Variants in ADAM30 observed in about 807,000 individuals in gnomAD.
The protein encoded by ADAM30 is ADAM metallopeptidase domain 30, also known as disintegrin and metalloproteinase domain-containing protein 30.
For missense variants in ADAM30, 960 were observed against 959.4 expected (o/e 1.00, Z -0.01); for synonymous variants, 382 against 340.9 (o/e 1.12, Z -1.33).
chr1:119,893,757 G>A lies in ADAM30; in HGVS notation c.*207C>T, dbSNP rs1200149946. 1.0e-6 allele frequency: 1 copy of A among 976,398 alleles called. No individual in the cohort carries two copies. Among genetic ancestry groups the A allele is most frequent in the Non-Finnish European group, 1.4e-6 (1 of 692,214 alleles). 60.5% of individuals were successfully genotyped at this position (976,398 alleles called of 1,614,324 possible). Reference sequence around the variant, plus strand: ...ATGATTCTCAGAATACCCACAACTTGGTCACAAACTGAGGGGCAAGTGAAC... The same window carrying A: ...ATGATTCTCAGAATACCCACAACTTAGTCACAAACTGAGGGGCAAGTGAAC... On this transcript the variant is annotated 3_prime_UTR_variant, in exon 1 of 1. Coordinates refer to ENST00000369400, the MANE Select transcript of ADAM30 (RefSeq NM_021794.4).
Position 119,896,494 on chromosome 1 carries a change from C to T in ADAM30, c.-158G>A, listed in dbSNP as rs903305288. 9.7e-6 allele frequency: 12 copies of T among 1,236,340 alleles called. No individual in the cohort carries two copies. In the African/African-American group the frequency reaches 1.8e-4, roughly 19 times the overall value. The allele number at this position is 1,236,340 out of a possible 1,614,324, so 76.6% of individuals were successfully genotyped here. ...AGCCCGTAGCCTCCCAGGGCTCGGT[C>T]TAGCTGGCGTCCGCAATGCGCGCGT... On this transcript the variant is annotated 5_prime_UTR_variant, in exon 1 of 1. Coordinates refer to ENST00000369400, the MANE Select transcript of ADAM30 (RefSeq NM_021794.4).
chr1:119,895,416 C>A lies in ADAM30; in HGVS notation c.921G>T (p.Trp307Cys), dbSNP rs753975087. Residue 307 changes from tryptophan to cysteine, a missense_variant, in exon 1 of 1, where the codon TGG (tryptophan) becomes TGT (cysteine). Transcript: ENST00000369400. Reference sequence around the variant, plus strand: ...CTAGAGAACACACTTTTCCAAACGACCATGCAAGAGCATCATTATATTTTC... The same window carrying A: ...CTAGAGAACACACTTTTCCAAACGAACATGCAAGAGCATCATTATATTTTC... The part of the protein sequence containing the change: ...LQRKYNDALA[W>C]SFGKVCSLEY... 6 of 1,613,770 alleles carry A rather than the reference C, an allele frequency of 3.7e-6. No homozygotes were observed. The highest frequency in any genetic ancestry group is 2.5e-6 in the Non-Finnish European group (3 of 1,179,960).
rs1648486288 is a variant in ADAM30 at position 119,893,681 on chromosome 1, T to C, written c.*283A>G. 4.2e-6 allele frequency: 2 copies of C among 478,070 alleles called. No individual in the cohort carries two copies. Among genetic ancestry groups the C allele is most frequent in the Non-Finnish European group, 3.5e-6 (1 of 282,488 alleles). 29.6% of individuals were successfully genotyped at this position (478,070 alleles called of 1,614,324 possible). ...TATACCTTGAATAGCATGGTAATTC[T>C]AGGAAACTCACTACTTTCAGAGCTT... On this transcript the variant is annotated 3_prime_UTR_variant, in exon 1 of 1. Coordinates refer to ENST00000369400, the MANE Select transcript of ADAM30 (RefSeq NM_021794.4).
rs996054603 is a variant in ADAM30 at position 119,896,411 on chromosome 1, G to T, written c.-75C>A. 1.7e-5 allele frequency: 24 copies of T among 1,446,848 alleles called. No homozygotes were observed. The highest frequency in any genetic ancestry group is 2.6e-4 in the Middle Eastern group (1 of 3,904). The allele number at this position is 1,446,848 out of a possible 1,614,324, so 89.6% of individuals were successfully genotyped here. On this transcript the variant is annotated 5_prime_UTR_variant, in exon 1 of 1. Transcript: ENST00000369400. ...GGCCTCGCGAGTCAGATTTCTGGGGGCCGCCGCTAGAGGCGCCTGAGCTCA... is the reference window on the plus strand; with the variant it reads ...GGCCTCGCGAGTCAGATTTCTGGGGTCCGCCGCTAGAGGCGCCTGAGCTCA...
chr1:119,896,131 T>C lies in ADAM30; in HGVS notation c.206A>G (p.Lys69Arg), dbSNP rs1158456223. 1.2e-6 allele frequency: 2 copies of C among 1,613,946 alleles called. No individual in the cohort carries two copies. Among genetic ancestry groups the C allele is most frequent in the Non-Finnish European group, 1.7e-6 (2 of 1,179,988 alleles). The part of the protein sequence containing the change: ...VSPVSYLLQL[K>R]GKKHVLHLWP... Reference sequence around the variant, plus strand: ...CAAATGGAGGACGTGCTTCTTGCCTTTTAACTGCAGTAGGTAGGACACGGG... The same window carrying C: ...CAAATGGAGGACGTGCTTCTTGCCTCTTAACTGCAGTAGGTAGGACACGGG... Residue 69 changes from lysine (K) to arginine (R), a missense_variant, in exon 1 of 1, where the codon AAA becomes AGA. Lys to Arg is a conservative substitution (Grantham distance 26). Coordinates refer to ENST00000369400, the MANE Select transcript of ADAM30 (RefSeq NM_021794.4).
rs1266545644 is a variant in ADAM30 at position 119,895,535 on chromosome 1, C to T, written c.802G>A (p.Glu268Lys). 1 of 1,613,856 alleles carries T rather than the reference C, an allele frequency of 6.2e-7. No homozygotes were observed. The highest frequency in any genetic ancestry group is 8.5e-7 in the Non-Finnish European group (1 of 1,180,040). ...DFNKIRVGYP[E>K]LAEVLGRFVI... ...AATCTGCCTAAAACTTCAGCTAACT[C>T]TGGATATCCAACGCGTATTTTGTTA... The change falls in exon 1 of 1, where the codon GAG becomes AAG. Residue 268 changes from glutamate (E) to lysine (K), a missense_variant. Coordinates refer to ENST00000369400, the MANE Select transcript of ADAM30 (RefSeq NM_021794.4).
At position 119,896,175 on chromosome 1, in the gene ADAM30, C is replaced by T. The variant is rs1401470127; in HGVS notation, c.162G>A (p.Glu54=). The change falls in exon 1 of 1, where the codon GAG becomes GAA. Residue 54 remains glutamate, a synonymous_variant. Transcript: ENST00000369400. Reference sequence around the variant, plus strand: ...ACACGGGACTGACCACACCCTGCACCTCTCCCCGGAAGCTCAGCTTCTCAG... The same window carrying T: ...ACACGGGACTGACCACACCCTGCACTTCTCCCCGGAAGCTCAGCTTCTCAG... ...TIPEKLSFRG[E]VQGVVSPVSY... 1 of 1,614,170 alleles carries T rather than the reference C, an allele frequency of 6.2e-7. No homozygotes were observed.
In ADAM30 at chr1:119,896,036, C is replaced by T. The variant is rs1243918038; in HGVS notation, c.301G>A (p.Glu101Lys). The T allele has an allele frequency of 1.9e-6, 3 of 1,613,992 alleles. No homozygotes were observed. The highest frequency in any genetic ancestry group is 2.5e-6 in the Non-Finnish European group (3 of 1,180,038). Residue 101 changes from glutamate (E) to lysine (K), a missense_variant, in exon 1 of 1, where the codon GAG becomes AAG. Coordinates refer to ENST00000369400, the MANE Select transcript of ADAM30 (RefSeq NM_021794.4). ...FSFTEHGELL[E>K]DHPYIPKDCN... ...TCCTTTGGTATGTAAGGATGATCCT[C>T]CAGCAGTTCCCCATGTTCTGTGAAG...
rs775878095 is a variant in ADAM30 at position 119,895,926 on chromosome 1, A to G, written c.411T>C (p.Phe137=). The G allele has an allele frequency of 1.2e-6, 2 of 1,614,160 alleles. No homozygotes were observed. The highest frequency in any genetic ancestry group is 1.7e-6 in the Non-Finnish European group (2 of 1,180,038). Residue 137 remains phenylalanine, a synonymous_variant, in exon 1 of 1, where the codon TTT becomes TTC. Transcript: ENST00000369400. Reference sequence around the variant, plus strand: ...TTTGGTAATGTTTGGCATCAATGTTAAATACACCTCGGAGACCCCCCATGC... The same window carrying G: ...TTTGGTAATGTTTGGCATCAATGTTGAATACACCTCGGAGACCCCCCATGC... ...STCMGGLRGV[F]NIDAKHYQIE...
rs1244680035 is a variant in ADAM30 at position 119,895,360 on chromosome 1, T to G, written c.977A>C (p.Asp326Ala). ...EYAGSVSTLL[D>A]TNILAPATWS... ...GGTAGCAGGGGCAAGGATATTTGTATCTAGTAAAGTACTCACTGATCCAGC... is the reference window on the plus strand; with the variant it reads ...GGTAGCAGGGGCAAGGATATTTGTAGCTAGTAAAGTACTCACTGATCCAGC... The change falls in exon 1 of 1, where the codon GAT (aspartate) becomes GCT (alanine). Residue 326 changes from aspartate to alanine, a missense_variant. Asp to Ala is a moderately radical substitution (Grantham distance 126). Coordinates refer to ENST00000369400, the MANE Select transcript of ADAM30 (RefSeq NM_021794.4). 6.2e-7 allele frequency: 1 copy of G among 1,614,022 alleles called. No homozygotes were observed. The highest frequency in any genetic ancestry group is 1.3e-5 in the African/African-American group (1 of 74,898).
At position 119,894,212 on chromosome 1, in the gene ADAM30, G is replaced by A. The variant is rs529944099; in HGVS notation, c.2125C>T (p.Arg709Trp). 28 of 1,613,462 alleles carry A rather than the reference G, an allele frequency of 1.7e-5. No homozygotes were observed. The highest frequency in any genetic ancestry group is 1.7e-4 in the Middle Eastern group (1 of 6,060). Reference protein sequence around the residue: ...LILSVVFVFFRQVIGNHLKPK... With the variant: ...LILSVVFVFFWQVIGNHLKPK... ...TTTAAGTGGTTTCCTATCACTTGCC[G>A]GAAAAACACAAAAACCACTGAAAGG... The change falls in exon 1 of 1, where the codon CGG becomes TGG. Residue 709 changes from arginine to tryptophan, a missense_variant. Coordinates refer to ENST00000369400, the MANE Select transcript of ADAM30 (RefSeq NM_021794.4).
In ADAM30 at chr1:119,894,747, A is replaced by G. The variant is rs1432315583; in HGVS notation, c.1590T>C (p.Gly530=). 6.2e-7 allele frequency: 1 copy of G among 1,614,142 alleles called. No individual in the cohort carries two copies. The highest frequency in any genetic ancestry group is 8.5e-7 in the Non-Finnish European group (1 of 1,180,022). ...TAATCTCACAGTTACCAAATTGATC[A>G]CCTATTAAGTTAACTGCATCATAGC... ...SECYDAVNLI[G]DQFGNCEITG... The change falls in exon 1 of 1, where the codon GGT becomes GGC. Residue 530 remains glycine (G), a synonymous_variant. Coordinates refer to ENST00000369400, the MANE Select transcript of ADAM30 (RefSeq NM_021794.4).
At position 119,896,200 on chromosome 1, in the gene ADAM30, G is replaced by A. The variant is rs908014369; in HGVS notation, c.137C>T (p.Pro46Leu). Residue 46 changes from proline (P) to leucine (L), a missense_variant, in exon 1 of 1, where the codon CCT (proline) becomes CTT (leucine). Physicochemically the swap from Pro to Leu is moderately conservative, Grantham distance 98. Transcript: ENST00000369400. ...GEFDSYEVTIPEKLSFRGEVQ... is the reference protein window; with the variant it reads ...GEFDSYEVTILEKLSFRGEVQ... Reference sequence around the variant, plus strand: ...CTCTCCCCGGAAGCTCAGCTTCTCAGGAATGGTGACTTCATACGAGTCAAA... The same window carrying A: ...CTCTCCCCGGAAGCTCAGCTTCTCAAGAATGGTGACTTCATACGAGTCAAA... The A allele has an allele frequency of 5.6e-6, 9 of 1,614,058 alleles. No individual in the cohort carries two copies. The Admixed American group carries it at 8.3e-5, about 15-fold the overall frequency.
chr1:119,894,912 A>G lies in ADAM30; in HGVS notation c.1425T>C (p.Ser475=), dbSNP rs1557794745. 2 of 1,614,214 alleles carry G rather than the reference A, an allele frequency of 1.2e-6. No homozygotes were observed. Among genetic ancestry groups the G allele is most frequent in the Non-Finnish European group, 1.7e-6 (2 of 1,180,046 alleles). The change falls in exon 1 of 1, where the codon AGT becomes AGC. Residue 475 remains serine (S), a synonymous_variant. Coordinates refer to ENST00000369400, the MANE Select transcript of ADAM30 (RefSeq NM_021794.4). ...DLAEYCDGNS[S]SCPNDVYKQD... is the part of the protein sequence containing the mutation. Reference sequence around the variant, plus strand: ...GCTTATAAACGTCATTTGGGCAGGAACTTGAATTCCCGTCGCAGTACTCTG... The same window carrying G: ...GCTTATAAACGTCATTTGGGCAGGAGCTTGAATTCCCGTCGCAGTACTCTG...
chr1:119,895,654 T>C lies in ADAM30; in HGVS notation c.683A>G (p.His228Arg), dbSNP rs781721317. The C allele has an allele frequency of 9.3e-6, 15 of 1,614,040 alleles. No homozygotes were observed. In the Admixed American group the frequency reaches 1.3e-4, roughly 14 times the overall value. The change falls in exon 1 of 1, where the codon CAT (histidine) becomes CGT (arginine). Residue 228 changes from histidine to arginine, a missense_variant. By Grantham distance (29) the His-to-Arg change is conservative. Coordinates refer to ENST00000369400, the MANE Select transcript of ADAM30 (RefSeq NM_021794.4). ...AATCCCAGTCAAAAGAATGGCATCA[T>C]GTATGACTTGAGAAAGATTGTTGTT... ...FVNNNLSQVI[H>R]DAILLTGIMD...
Position 119,895,653 on chromosome 1 carries a change from A to G in ADAM30, c.684T>C (p.His228=), listed in dbSNP as rs367912978. 8.7e-6 allele frequency: 14 copies of G among 1,614,148 alleles called. No individual in the cohort carries two copies. The highest frequency in any genetic ancestry group is 1.2e-5 in the Non-Finnish European group (14 of 1,180,038). ...FVNNNLSQVI[H]DAILLTGIMD... ...TAATCCCAGTCAAAAGAATGGCATC[A>G]TGTATGACTTGAGAAAGATTGTTGT... Residue 228 remains histidine, a synonymous_variant, in exon 1 of 1, where the codon CAT becomes CAC. Transcript: ENST00000369400.
chr1:119,895,997 C>T lies in ADAM30; in HGVS notation c.340G>A (p.Gly114Ser), dbSNP rs146837536. ...GAGTCCAGAGACTCTTTCACGGAGC[C>T]CATGTAGTTGCAGTCCTTTGGTATG... ...PYIPKDCNYM[G>S]SVKESLDSKA... The change falls in exon 1 of 1, where the codon GGC (glycine) becomes AGC (serine). Residue 114 changes from glycine (G) to serine (S), a missense_variant. Gly to Ser is a moderately conservative substitution (Grantham distance 56, BLOSUM62 0). Coordinates refer to ENST00000369400, the MANE Select transcript of ADAM30 (RefSeq NM_021794.4). The T allele has an allele frequency of 2.5e-5, 41 of 1,614,000 alleles. No homozygotes were observed. The highest frequency in any genetic ancestry group is 3.2e-5 in the Non-Finnish European group (38 of 1,180,044).
Position 119,896,340 on chromosome 1 carries a change from C to T in ADAM30, c.-4G>A. 2 of 1,543,178 alleles carry T rather than the reference C, an allele frequency of 1.3e-6. No individual in the cohort carries two copies. The highest frequency in any genetic ancestry group is 1.7e-6 in the Non-Finnish European group (2 of 1,144,586). ...GGAAGATCTGCACTGACCTCATGGT[C>T]TGTTCCCTACTCAGCCTCAGTTTGC... On this transcript the variant is annotated 5_prime_UTR_variant, in exon 1 of 1. Transcript: ENST00000369400.
Position 119,894,276 on chromosome 1 carries a change from C to T in ADAM30, c.2061G>A (p.Trp687Ter). Residue 687 changes from tryptophan (W) to a stop codon, truncating the protein, a stop_gained, in exon 1 of 1, where the codon TGG (tryptophan) becomes TGA (stop). Coordinates refer to ENST00000369400, the MANE Select transcript of ADAM30 (RefSeq NM_021794.4). LOFTEE classifies it low-confidence loss of function (END_TRUNC). Reference sequence around the variant, plus strand: ...GGCGAAACATTATGATGGACACAACCCAAATTGACGAGGGAATCGCCCCTC... The same window carrying T: ...GGCGAAACATTATGATGGACACAACTCAAATTGACGAGGGAATCGCCCCTC... The part of the protein sequence containing the change: ...LLRGAIPSSI[W>*]VVSIIMFRLI... The T allele has an allele frequency of 1.2e-6, 2 of 1,614,156 alleles. No individual in the cohort carries two copies. The highest frequency in any genetic ancestry group is 2.2e-5 in the South Asian group (2 of 91,076).
Sources: gnomAD v4.1 joint callset for allele counts on GRCh38, gnomAD v4.1.1 for gene constraint, MANE v1.5 for transcripts, NCBI Gene and HGNC (gene_info 2026-07-23, HGNC 2026-07-21) for gene names.